The following ACCSL variants were observed in gnomAD, a reference collection of about 807,000 sequenced individuals.
ACCSL encodes 1-aminocyclopropane-1-carboxylate synthase homolog (inactive) like, also known as probable inactive 1-aminocyclopropane-1-carboxylate synthase-like protein 2.
ACCSL carries 55 observed loss-of-function variants against 61.7 expected under a neutral mutation model. The observed-to-expected ratio is 0.89, with a 90% CI of 0.72 to 1.12. The LOEUF (loss-of-function observed/expected upper bound fraction) is 1.12, where lower values mean the gene tolerates loss of function less well. Ranked by LOEUF, ACCSL falls within the 50% of genes most tolerant of loss-of-function variation. The probability of loss-of-function intolerance (pLI) is 0.00; values close to 1 mark genes in which losing one functional copy is unlikely to be tolerated. For missense variants in ACCSL, 632 were observed against 698.0 expected, an observed-to-expected ratio of 0.91 and a Z score of 1.07; for synonymous variants, 258 against 264.3, an observed-to-expected ratio of 0.98 and a Z score of 0.23.
the ACCSL span, among the ~76,000 whole-genome samples, chr11:43,947,949 A>C: frequency 2.0e-5 from 3 of 152,160 alleles, no homozygotes; most frequent in Non-Finnish European, 2.9e-5. Flanking sequence ...CTGTCCAAGG[A>C]GTCACCTCTG....
chr11:44,035,747 G>A, the ACCSL span, among the ~76,000 whole-genome samples: 11 of 152,066 alleles, frequency 7.2e-5, no homozygotes, highest in Non-Finnish European at 1.5e-4. Flanking sequence ...AGACTAGCCT[G>A]GCCAACATGG....
intron 9 of ACCSL, among the ~76,000 whole-genome samples, 153 bp from the exon 10 acceptor site, chr11:44,055,887 C>T (rs1263379402): frequency 6.6e-6 from 1 of 152,228 alleles, no homozygotes; most frequent in African/African-American, 2.4e-5. Flanking sequence ...GTGTTGACTT[C>T]CTGGCTTAAC....
the ACCSL span, among the ~76,000 whole-genome samples, chr11:43,982,959 C>T: frequency 6.6e-6 from 1 of 152,176 alleles, no homozygotes; most frequent in Admixed American, 6.5e-5. Flanking sequence ...ATCTCTGTTG[C>T]AAGGGCAGGC....
upstream of ACCSL, chr11:44,047,853 T>A: frequency 1.4e-6 from 1 of 732,878 alleles, no homozygotes; most frequent in Non-Finnish European, 2.2e-6. Context: ...TAGGTAACTC[T>A]TCATGAACCA....
the ACCSL span, among the ~76,000 whole-genome samples, chr11:43,999,573 C>T: frequency 5.9e-5 from 9 of 152,156 alleles, no homozygotes; most frequent in Admixed American, 2.0e-4. Flanking sequence ...CATGACACTC[C>T]GGCAAAGCTA....
the ACCSL span, among the ~76,000 whole-genome samples, chr11:43,999,652 G>C: frequency 6.6e-6 from 1 of 152,068 alleles, no homozygotes; most frequent in African/African-American, 2.4e-5. Context: ...GTATTCTGTC[G>C]GTTAGAAGCC....
chr11:44,052,946 A>G, intron 6 of ACCSL, 45 bp from the exon 7 acceptor site: 1 of 1,580,596 alleles, frequency 6.3e-7, no homozygotes, highest in East Asian at 2.2e-5. Context: ...AGGAATCAAG[A>G]CTTAGATTTT....
rs776956310 is a variant in ACCSL at position 44,048,344 on chromosome 11, G to A, written c.308G>A (p.Gly103Asp). 3.1e-6 allele frequency: 5 copies of A among 1,613,996 alleles called. No homozygotes were observed. The highest frequency in any genetic ancestry group is 4.2e-6 in the Non-Finnish European group (5 of 1,180,036). Residue 103 changes from glycine to aspartate, a missense_variant, in exon 1 of 14, where the codon GGT becomes GAT. Gly to Asp is a moderately conservative substitution (Grantham distance 94). Transcript: ENST00000378832. ...CCTCTTCCTTCTGAGGACTCTAGGG[G>A]TGATGTCAGATATGGGCAGAGGGCC... ...QVPLPSEDSR[G>D]DVRYGQRAQL...
the ACCSL span, among the ~76,000 whole-genome samples, chr11:43,948,263 T>C: frequency 6.6e-6 from 1 of 152,196 alleles, no homozygotes; most frequent in Non-Finnish European, 1.5e-5. Flanking sequence ...GAAGCACATT[T>C]GGGGTAGGCC....
chr11:43,969,447 C>CA, the ACCSL span, among the ~76,000 whole-genome samples: 2 of 152,256 alleles, frequency 1.3e-5, no homozygotes, highest in East Asian at 1.9e-4. Context: ...GAGGTTATCT[C>CA]AAAAATTTTT....
the ACCSL span, among the ~76,000 whole-genome samples, chr11:43,991,939 A>G: frequency 1.3e-5 from 2 of 151,760 alleles, no homozygotes; most frequent in African/African-American, 2.4e-5. Context: ...TTGCACACAC[A>G]GTTCTCCTAT....
At position 44,051,718 on chromosome 11, in the gene ACCSL, C is replaced by T. The variant is rs200928902; in HGVS notation, c.771C>T (p.Gly257=). The change falls in exon 5 of 14, where the codon GGC becomes GGT. Residue 257 remains glycine, a splice_region_variant and synonymous_variant. Coordinates refer to ENST00000378832, the MANE Select transcript of ACCSL (RefSeq NM_001031854.2). ...TGGCCATGGTTCTGTGTGATCCAGG[C>T]GGTAAGTCAGTGGGCTCTCCTTTCA... ...CALAMVLCDP[G]EAFLVPAPFY... 180 of 1,614,070 alleles carry T rather than the reference C, an allele frequency of 1.1e-4. No individual in the cohort carries two copies. The African/African-American group carries it at 2.0e-3, about 18-fold the overall frequency.
chr11:43,990,169 G>A, the ACCSL span, among the ~76,000 whole-genome samples: 1 of 152,220 alleles, frequency 6.6e-6, no homozygotes, highest in African/African-American at 2.4e-5. Flanking sequence ...GATCAGGAGA[G>A]CACCTACCTA....
chr11:43,991,351 A>G, the ACCSL span, among the ~76,000 whole-genome samples: 1 of 152,236 alleles, frequency 6.6e-6, no homozygotes, highest in African/African-American at 2.4e-5. Context: ...TCATGGGCAC[A>G]CAGCTGCACA....
chr11:43,929,142 C>T, the ACCSL span, among the ~76,000 whole-genome samples: 1 of 152,238 alleles, frequency 6.6e-6, no homozygotes, highest in Non-Finnish European at 1.5e-5. Context: ...ATGTATCCGT[C>T]TCAGTACCGG....
the ACCSL span, among the ~76,000 whole-genome samples, chr11:43,992,103 G>C: frequency 7.4e-5 from 10 of 134,898 alleles, no homozygotes; most frequent in Admixed American, 6.7e-4. Context: ...CCAGGCTGGA[G>C]TGCAGAGGCG....
the ACCSL span, among the ~76,000 whole-genome samples, chr11:43,967,171 T>TTTTA: frequency 1.1e-5 from 1 of 88,176 alleles, no homozygotes; most frequent in African/African-American, 4.4e-5. Context: ...CTTCTTCTTT[T>TTTTA]TTTTTTTTTT....
chr11:43,981,544 C>T, the ACCSL span, among the ~76,000 whole-genome samples: 2 of 152,182 alleles, frequency 1.3e-5, no homozygotes, highest in Non-Finnish European at 2.9e-5. Flanking sequence ...CACTTTTCTC[C>T]TAATGCAACA....
intron 9 of ACCSL, 47 bp downstream of exon 9, chr11:44,055,338 T>C (rs1952665069): frequency 4.1e-6 from 6 of 1,477,732 alleles, no homozygotes; most frequent in Non-Finnish European, 4.7e-6. Flanking sequence ...ACAAGGTTCT[T>C]GTTTTGCAGG....
Sources: gnomAD v4.1 joint callset for allele counts (sites outside exome capture counted in the v4.1 genomes callset) on GRCh38, gnomAD v4.1.1 for gene constraint, MANE v1.5 for transcripts, NCBI Gene and HGNC (gene_info 2026-07-23, HGNC 2026-07-21) for gene names.